Variants in CCSER1 observed in about 807,000 individuals in gnomAD.
CCSER1 encodes coiled-coil serine rich protein 1, also known as serine-rich coiled-coil domain-containing protein 1.
In CCSER1, 41 loss-of-function variants were observed where a neutral mutation model predicts 82.0. The observed-to-expected ratio is 0.50, with a 90% CI of 0.39 to 0.65. The LOEUF is 0.65. CCSER1 is among the 30% of genes least tolerant of loss of function. The pLI is 0.00. For synonymous variants in CCSER1, 414 were observed against 383.9 expected (o/e 1.08, Z -0.92); for missense variants, 1,119 against 1,064.2 (o/e 1.05, Z -0.72).
At chr4:90,863,574 T>C (rs1765362932) in intron 8 of CCSER1, among the ~76,000 whole-genome samples, 1 of 151,926 alleles carries the variant, frequency 6.6e-6, no homozygotes, top group South Asian at 2.1e-4. Context: ...AACAAAGCTC[T>C]TTATTTAGCT....
At chr4:90,163,647 A>G (rs956051908) in intron 1 of CCSER1, among the ~76,000 whole-genome samples, 14 of 152,266 alleles carry the variant, frequency 9.2e-5, no homozygotes, top group African/African-American at 2.6e-4. Context: ...GGTATTTTCT[A>G]TTGTTATTCT....
intron 10 of CCSER1, among the ~76,000 whole-genome samples, chr4:91,573,070 G>A (rs981305431): frequency 3.9e-5 from 6 of 152,198 alleles, no homozygotes; most frequent in African/African-American, 1.4e-4. Flanking sequence ...CAGTGAGGTG[G>A]AACGGGATTG....
At chr4:91,040,365 T>C (rs1741856332) in intron 9 of CCSER1, among the ~76,000 whole-genome samples, 1 of 152,174 alleles carries the variant, frequency 6.6e-6, no homozygotes, top group Admixed American at 6.6e-5. Context: ...GATAATAAAG[T>C]GATAGCCAAA....
At chr4:91,222,945 C>T (rs575022540) in intron 10 of CCSER1, among the ~76,000 whole-genome samples, 137 of 152,148 alleles carry the variant, frequency 9.0e-4, no homozygotes, top group African/African-American at 3.3e-3. Context: ...TCAATGTTAT[C>T]TTGGTGTAAA....
intron 5 of CCSER1, among the ~76,000 whole-genome samples, chr4:90,593,797 G>A (rs1782988881): frequency 6.6e-6 from 1 of 151,830 alleles, no homozygotes; most frequent in Non-Finnish European, 1.5e-5. Flanking sequence ...CTATTATGTT[G>A]CATATTATAA....
intron 5 of CCSER1, among the ~76,000 whole-genome samples, chr4:90,600,757 C>A (rs112435878): frequency 6.6e-6 from 1 of 151,488 alleles, no homozygotes; most frequent in Non-Finnish European, 1.5e-5. Context: ...TCTCAAAAAT[C>A]CTGCTAGGAT....
At position 90,156,153 on chromosome 4, in the gene CCSER1, G is replaced by A. The variant is rs559721309; in HGVS notation, c.-42+28322G>A. ...GTACCCAGTAGTCATTCAGGAGCAG[G>A]TTGTTCAGTTTCCATGTAATTGAGC... On this transcript the variant is annotated intron_variant, in intron 1 of 10. Transcript: ENST00000509176. Among the ~76,000 whole-genome samples the A allele has an allele frequency of 1.3e-3, 202 of 152,290 alleles. 1 individual carries two copies. Among genetic ancestry groups the A allele is most frequent in the Non-Finnish European group, 2.1e-3 (146 of 68,024 alleles).
chr4:91,320,413 ATAAT>A (rs1560587490), intron 10 of CCSER1, among the ~76,000 whole-genome samples: 2 of 152,050 alleles, frequency 1.3e-5, no homozygotes. Context: ...ATGATTGTGC[ATAAT>A]TATAGTAGAC....
intron 1 of CCSER1, among the ~76,000 whole-genome samples, chr4:90,164,304 A>G (rs1423904591): frequency 6.6e-6 from 1 of 150,610 alleles, no homozygotes; most frequent in Non-Finnish European, 1.5e-5. Flanking sequence ...TTACTTGTCT[A>G]TCGCAGAATT....
At chr4:90,579,665 C>A (rs28523654) in intron 5 of CCSER1, among the ~76,000 whole-genome samples, 42,026 of 151,656 alleles carry the variant, frequency 0.28, 6,194 homozygotes, top group East Asian at 0.51. Context: ...ATATAAAGTA[C>A]CTGGGGGCAA....
chr4:91,109,710 C>A (rs556534310), intron 10 of CCSER1, among the ~76,000 whole-genome samples: 10 of 152,064 alleles, frequency 6.6e-5, no homozygotes, highest in African/African-American at 2.4e-4. Context: ...GAATTTAAAA[C>A]AACTAGATGC....
intron 10 of CCSER1, among the ~76,000 whole-genome samples, chr4:91,362,071 A>G (rs528599225): frequency 4.6e-5 from 7 of 151,970 alleles, no homozygotes; most frequent in Non-Finnish European, 8.8e-5. Context: ...CGGAAGGGAC[A>G]TATTTGAGAG....
intron 9 of CCSER1, among the ~76,000 whole-genome samples, chr4:90,928,215 T>C (rs537432917): frequency 6.6e-5 from 10 of 152,226 alleles, no homozygotes; most frequent in South Asian, 4.1e-4. Context: ...GCTTATGGGC[T>C]ATAATTTTTC....
At chr4:90,918,428 G>C in intron 8 of CCSER1, 1 of 360,684 alleles carries the variant, frequency 2.8e-6, no homozygotes, top group East Asian at 7.2e-5. Context: ...TGGAGTAAAA[G>C]ACATTAGATA....
intron 8 of CCSER1, among the ~76,000 whole-genome samples, chr4:90,853,785 C>T (rs1764145104): frequency 6.6e-6 from 1 of 152,096 alleles, no homozygotes. Context: ...AAACAGCAAT[C>T]TCCATAGTAG....
chr4:90,730,068 C>G (rs1011555119), intron 7 of CCSER1, among the ~76,000 whole-genome samples: 1 of 152,084 alleles, frequency 6.6e-6, no homozygotes, highest in East Asian at 1.9e-4. Context: ...GGGAAACACC[C>G]ATTGTGAACA....
intron 9 of CCSER1, among the ~76,000 whole-genome samples, chr4:91,045,141 G>A (rs369696214): frequency 3.9e-5 from 6 of 152,250 alleles, no homozygotes; most frequent in African/African-American, 1.4e-4. Context: ...AAATACCTAT[G>A]TGGGTATTCA....
chr4:90,636,750 T>G (rs2148960239), intron 6 of CCSER1, among the ~76,000 whole-genome samples: 1 of 152,280 alleles, frequency 6.6e-6, no homozygotes, highest in African/African-American at 2.4e-5. Flanking sequence ...ACACTGAAAC[T>G]TCTCCTCCTA....
At chr4:90,172,593 A>T (rs1731916296) in intron 1 of CCSER1, among the ~76,000 whole-genome samples, 1 of 151,902 alleles carries the variant, frequency 6.6e-6, no homozygotes, top group Non-Finnish European at 1.5e-5. Context: ...TTTATTATGC[A>T]GAAATGGATT....
Sources: gnomAD v4.1 joint callset for allele counts (sites outside exome capture counted in the v4.1 genomes callset) on GRCh38, gnomAD v4.1.1 for gene constraint, MANE v1.5 for transcripts, NCBI Gene and HGNC (gene_info 2026-07-23, HGNC 2026-07-21) for gene names.